Variants in TRMT11 observed in about 807,000 individuals in gnomAD.
TRMT11 encodes tRNA methyltransferase 11.
TRMT11 carries 53 observed loss-of-function variants against 62.8 expected under a neutral mutation model. The ratio of observed to expected loss-of-function variants is 0.84; its 90% CI spans 0.68 to 1.06. The LOEUF is 1.06. Among genes scored for constraint, TRMT11 ranks in the 50% least tolerant of loss-of-function variants. TRMT11 has a pLI of 0.00. For missense variants in TRMT11, 556 were observed against 553.4 expected, an observed-to-expected ratio of 1.00 and a Z score of -0.05; for synonymous variants, 188 against 190.3, an observed-to-expected ratio of 0.99 and a Z score of 0.10.
intron 1 of TRMT11, among the ~76,000 whole-genome samples, chr6:126,192,802 A>G (rs1026585404): frequency 1.3e-5 from 2 of 152,164 alleles, no homozygotes; most frequent in Non-Finnish European, 2.9e-5. Flanking sequence ...CCACTTGATC[A>G]TGGTAAATTA....
chr6:126,212,152 T>G, the TRMT11 span, among the ~76,000 whole-genome samples: 2 of 152,196 alleles, frequency 1.3e-5, no homozygotes, highest in Non-Finnish European at 2.9e-5. Flanking sequence ...GTACCACATT[T>G]TCTTTATCCA....
intron 8 of TRMT11, chr6:126,009,557 T>C (rs1015601168): frequency 1.3e-5 from 2 of 152,050 alleles, no homozygotes; most frequent in African/African-American, 2.4e-5. Context: ...GTATAAGTTA[T>C]TGTATTGGTG....
At chr6:126,254,356 A>G in the TRMT11 span, among the ~76,000 whole-genome samples, 1 of 152,202 alleles carries the variant, frequency 6.6e-6, no homozygotes, top group Non-Finnish European at 1.5e-5. Flanking sequence ...AGAAAGTTAT[A>G]CTTGTTATCA....
At chr6:126,015,046 A>G (rs970118887) in intron 11 of TRMT11, among the ~76,000 whole-genome samples, 3 of 150,788 alleles carry the variant, frequency 2.0e-5, no homozygotes, top group African/African-American at 4.9e-5. Context: ...GCAACAAGCT[A>G]CTTGCTTTTT....
chr6:126,093,636 C>A (rs868370825), intron 17 of TRMT11, among the ~76,000 whole-genome samples: 2 of 56,932 alleles, frequency 3.5e-5, no homozygotes, highest in East Asian at 3.7e-4. Flanking sequence ...TATATATTTT[C>A]CCCCAGTCCT....
intron 7 of TRMT11, among the ~76,000 whole-genome samples, chr6:126,000,946 T>C (rs1792369936): frequency 6.6e-6 from 1 of 152,186 alleles, no homozygotes; most frequent in Admixed American, 6.5e-5. Flanking sequence ...ACAAAGAACA[T>C]GCATGTATCC....
At chr6:126,046,320 A>G (rs1776055175) in intron 16 of TRMT11, among the ~76,000 whole-genome samples, 1 of 152,220 alleles carries the variant, frequency 6.6e-6, no homozygotes, top group Admixed American at 6.5e-5. Context: ...GTCCATGGTT[A>G]CTGAGTCAAA....
intron 17 of TRMT11, among the ~76,000 whole-genome samples, chr6:126,061,724 G>A (rs1262055883): frequency 6.6e-6 from 1 of 152,022 alleles, no homozygotes; most frequent in African/African-American, 2.4e-5. Context: ...TCCTCCGATG[G>A]CCCCTCCAAA....
intron 21 of TRMT11, among the ~76,000 whole-genome samples, chr6:126,166,011 T>G (rs1778257250): frequency 6.6e-6 from 1 of 152,180 alleles, no homozygotes; most frequent in African/African-American, 2.4e-5. Flanking sequence ...AATCTTGTCT[T>G]CATGCTTTAT....
At chr6:126,232,456 A>C in the TRMT11 span, among the ~76,000 whole-genome samples, 1 of 152,014 alleles carries the variant, frequency 6.6e-6, no homozygotes, top group Non-Finnish European at 1.5e-5. Flanking sequence ...CCTGCGACTC[A>C]GGTATATATG....
At chr6:126,047,747 C>G (rs1396755102) in intron 16 of TRMT11, among the ~76,000 whole-genome samples, 1 of 152,244 alleles carries the variant, frequency 6.6e-6, no homozygotes, top group Non-Finnish European at 1.5e-5. Flanking sequence ...CTGCATCTGC[C>G]TGTCTGCATG....
the TRMT11 span, among the ~76,000 whole-genome samples, chr6:126,252,772 A>G: frequency 8.5e-5 from 13 of 152,346 alleles, no homozygotes; most frequent in Admixed American, 3.3e-4. Context: ...AAATGTCAAG[A>G]TGACTCTCTT....
the TRMT11 span, among the ~76,000 whole-genome samples, chr6:126,243,176 A>T: frequency 6.6e-6 from 1 of 152,238 alleles, no homozygotes; most frequent in Non-Finnish European, 1.5e-5. Context: ...CAAAAGACAC[A>T]TGAAAAAATG....
chr6:126,122,439 C>T (rs1777660817), intron 21 of TRMT11, among the ~76,000 whole-genome samples: 1 of 152,090 alleles, frequency 6.6e-6, no homozygotes, highest in Non-Finnish European at 1.5e-5. Context: ...AAAGCAGAAC[C>T]TCTTTTCCCA....
Position 126,063,334 on chromosome 6 carries a change from A to C in TRMT11, c.*1437+10144A>C, listed in dbSNP as rs73773352. Among the ~76,000 whole-genome samples, 590 of 152,332 alleles carry C rather than the reference A, an allele frequency of 3.9e-3. 5 individuals are homozygous for C. The highest frequency in any genetic ancestry group is 0.013 in the African/African-American group (550 of 41,578). ...ATGTTAAAGTTTAGATATCCAGACT[A>C]TACCATGTTGTACCATGCAGAGTAG... On this transcript the variant is annotated intron_variant and NMD_transcript_variant, in intron 17 of 22. Transcript: ENST00000648977.
At chr6:126,123,921 G>C (rs1777679248) in intron 21 of TRMT11, among the ~76,000 whole-genome samples, 1 of 151,748 alleles carries the variant, frequency 6.6e-6, no homozygotes, top group Non-Finnish European at 1.5e-5. Context: ...AAAAACTTAA[G>C]CTTTTGATTG....
chr6:126,135,608 AG>A (rs1431862886), intron 21 of TRMT11, among the ~76,000 whole-genome samples: 2 of 151,850 alleles, frequency 1.3e-5, no homozygotes, highest in Admixed American at 1.3e-4. Context: ...AAAATTAAAG[AG>A]GAAGGAATAC....
intron 21 of TRMT11, among the ~76,000 whole-genome samples, chr6:126,161,690 A>G (rs936663368): frequency 6.6e-6 from 1 of 152,010 alleles, no homozygotes; most frequent in Non-Finnish European, 1.5e-5. Context: ...TATTATTTAC[A>G]CTCCCACCAA....
intron 17 of TRMT11, among the ~76,000 whole-genome samples, chr6:126,070,904 T>TG (rs1328862603): frequency 6.6e-6 from 1 of 152,182 alleles, no homozygotes; most frequent in Non-Finnish European, 1.5e-5. Flanking sequence ...AGAGTCAGAC[T>TG]GGTCTGACTC....
Sources: gnomAD v4.1 joint callset for allele counts (sites outside exome capture counted in the v4.1 genomes callset) on GRCh38, gnomAD v4.1.1 for gene constraint, MANE v1.5 for transcripts, NCBI Gene and HGNC (gene_info 2026-07-23, HGNC 2026-07-21) for gene names.